The following SGO2 variants were observed in gnomAD, a reference collection of about 807,000 sequenced individuals.
SGO2 encodes shugoshin-like 2.
In SGO2, 68 loss-of-function variants were observed where a neutral mutation model predicts 99.5. That is an observed-to-expected ratio of 0.68 (90% CI 0.56 to 0.84). SGO2 has a LOEUF of 0.84. Among genes scored for constraint, SGO2 ranks in the 40% least tolerant of loss-of-function variants. The pLI is 0.00. For missense variants in SGO2, 1,350 were observed against 1,436.7 expected, an observed-to-expected ratio of 0.94 and a Z score of 0.97; for synonymous variants, 457 against 487.1, an observed-to-expected ratio of 0.94 and a Z score of 0.81.
intron 1 of SGO2, among the ~76,000 whole-genome samples, chr2:200,527,423 T>G (rs2031153649): frequency 6.6e-6 from 1 of 152,242 alleles, no homozygotes; most frequent in African/African-American, 2.4e-5. Context: ...AGTTTCTGTG[T>G]TCTACTGTCT....
chr2:200,579,893 TTAATGAAA>T (rs2033783226), intron 8 of SGO2, among the ~76,000 whole-genome samples: 1 of 152,202 alleles, frequency 6.6e-6, no homozygotes, highest in Admixed American at 6.5e-5. Context: ...CTTGGTTCCT[TTAATGAAA>T]TAATTTATAT....
intron 5 of SGO2, among the ~76,000 whole-genome samples, chr2:200,565,176 G>A (rs2033137087): frequency 1.3e-5 from 2 of 152,106 alleles, no homozygotes; most frequent in Admixed American, 1.3e-4. Flanking sequence ...TTACAATTTG[G>A]CATGTTTTTG....
At chr2:200,547,966 A>G (rs1040170958) in intron 5 of SGO2, among the ~76,000 whole-genome samples, 2 of 151,656 alleles carry the variant, frequency 1.3e-5, no homozygotes, top group East Asian at 1.9e-4. Flanking sequence ...ATAAATATCT[A>G]TGCACTCAAC....
chr2:200,530,793 T>C (rs1277109273), intron 1 of SGO2, among the ~76,000 whole-genome samples: 1 of 152,198 alleles, frequency 6.6e-6, no homozygotes, highest in African/African-American at 2.4e-5. Flanking sequence ...AGACTGAGAA[T>C]TGACTATTAG....
At chr2:200,544,360 C>A (rs917012120) in intron 5 of SGO2, among the ~76,000 whole-genome samples, 1 of 152,212 alleles carries the variant, frequency 6.6e-6, no homozygotes, top group Non-Finnish European at 1.5e-5. Flanking sequence ...TGGCTCACTG[C>A]AACCTCCACC....
At chr2:200,566,534 C>T (rs917253056) in intron 5 of SGO2, among the ~76,000 whole-genome samples, 2 of 152,286 alleles carry the variant, frequency 1.3e-5, no homozygotes, top group South Asian at 4.1e-4. Flanking sequence ...CCACTTGAGG[C>T]GATAGTCTGT....
chr2:200,579,058 T>C (rs1471596834), intron 8 of SGO2, among the ~76,000 whole-genome samples: 1 of 152,192 alleles, frequency 6.6e-6, no homozygotes, highest in Non-Finnish European at 1.5e-5. Flanking sequence ...CAACCAAAAA[T>C]GTCTCCATAT....
At chr2:200,565,487 C>T (rs1574869218) in intron 5 of SGO2, among the ~76,000 whole-genome samples, 1 of 152,140 alleles carries the variant, frequency 6.6e-6, no homozygotes, top group Admixed American at 6.5e-5. Context: ...CTCTGGCTGC[C>T]CTTAACATTT....
Position 200,528,900 on chromosome 2 carries a change from A to C in SGO2, c.-3+2648A>C, listed in dbSNP as rs374997104. ...GAATGTGCTATTTTGCAACCAAGTG[A>C]AGAGCGTATTTCAAAAGGAAGGAAT... is the stretch of plus-strand genomic sequence containing the variant. On this transcript the variant is annotated intron_variant, in intron 1 of 8. Transcript: ENST00000357799. Among the ~76,000 whole-genome samples the C allele has an allele frequency of 1.5e-3, 231 of 152,318 alleles. 1 individual carries two copies. The highest frequency in any genetic ancestry group is 5.2e-3 in the African/African-American group (217 of 41,574).
chr2:200,576,445 G>A (rs888578482), intron 8 of SGO2, among the ~76,000 whole-genome samples: 6 of 151,904 alleles, frequency 3.9e-5, no homozygotes, highest in South Asian at 2.1e-4. Flanking sequence ...GCATGGTGGC[G>A]TGCGCCTGTA....
chr2:200,576,206 A>G, intron 8 of SGO2: 2 of 238,354 alleles, frequency 8.4e-6, no homozygotes, highest in South Asian at 4.2e-5. Context: ...GAAATTAAGG[A>G]CCAAGGGGCC....
chr2:200,535,079 C>G lies in SGO2; in HGVS notation c.217C>G (p.Arg73Gly), dbSNP rs776375722. The G allele has an allele frequency of 5.1e-6, 8 of 1,561,878 alleles. No individual in the cohort carries two copies. In the South Asian group the frequency reaches 9.8e-5, roughly 19 times the overall value. The change falls in exon 3 of 9, where the codon CGA (arginine) becomes GGA (glycine). Residue 73 changes from arginine (R) to glycine (G), a missense_variant. Transcript: ENST00000357799. Reference protein sequence around the residue: ...QALSREKENSRRITTEKMLLQ... With the variant: ...QALSREKENSGRITTEKMLLQ... The stretch of plus-strand genomic sequence containing the variant: ...TCTTAGTAGAGAAAAAGAGAATTCT[C>G]GAAGAATTACAACTGAAAAGATGCT...
chr2:200,573,841 T>C lies in SGO2; in HGVS notation c.3495T>C (p.Ser1165=), dbSNP rs761896712. The C allele has an allele frequency of 6.2e-7, 1 of 1,613,316 alleles. No homozygotes were observed. The highest frequency in any genetic ancestry group is 1.7e-5 in the Admixed American group (1 of 59,962). ...VREGLVPLSV[S]SGKNVIIKEN... ...AAGGTTTAGTACCTTTGAGCGTTTC[T>C]TCTGGTAAAAATGTGATAATAAAAG... is the stretch of plus-strand genomic sequence containing the variant. The change falls in exon 7 of 9, where the codon TCT becomes TCC. Residue 1165 remains serine (S), a synonymous_variant. Transcript: ENST00000357799.
intron 4 of SGO2, among the ~76,000 whole-genome samples, chr2:200,536,395 T>C (rs2031691995): frequency 1.3e-5 from 2 of 152,122 alleles, no homozygotes; most frequent in Admixed American, 1.3e-4. Flanking sequence ...GGCTCCTAAA[T>C]GGACTCAGAA....
At chr2:200,533,547 G>GTGTGTGTA (rs1396628320) in intron 2 of SGO2, among the ~76,000 whole-genome samples, 1,611 of 143,004 alleles carry the variant, frequency 0.011, 20 homozygotes, top group African/African-American at 0.018. Flanking sequence ...GTGTGTGTGT[G>GTGTGTGTA]TATACATGTG....
rs1197946687 is a variant in SGO2, at chr2:200,573,261, G to A, written c.2915G>A (p.Ser972Asn). The A allele has an allele frequency of 6.3e-7, 1 of 1,599,462 alleles. No individual in the cohort carries two copies. Among genetic ancestry groups the A allele is most frequent in the African/African-American group, 1.4e-5 (1 of 74,060 alleles). The change falls in exon 7 of 9, where the codon AGT (serine) becomes AAT (asparagine). Residue 972 changes from serine to asparagine, a missense_variant. By Grantham distance (46) the Ser-to-Asn change is conservative. Transcript: ENST00000357799. ...GAAGTCAACAGTAATGAAAAGGAAA[G>A]TTGTGATCAAATTTTAGATTCCTAC... ...YMEVNSNEKESCDQILDSYKV... is the reference protein window; with the variant it reads ...YMEVNSNEKENCDQILDSYKV...
chr2:200,535,071 A>G lies in SGO2; in HGVS notation c.209A>G (p.Glu70Gly). Residue 70 changes from glutamate (E) to glycine (G), a missense_variant, in exon 3 of 9, where the codon GAG becomes GGG. By Grantham distance (98) the Glu-to-Gly change is moderately conservative. Transcript: ENST00000357799. ...ALAQALSREK[E>G]NSRRITTEKM... ...GCTCAGGCTCTTAGTAGAGAAAAAG[A>G]GAATTCTCGAAGAATTACAACTGAA... 6.4e-7 allele frequency: 1 copy of G among 1,564,472 alleles called. No individual in the cohort carries two copies. Among genetic ancestry groups the G allele is most frequent in the Non-Finnish European group, 8.6e-7 (1 of 1,164,342 alleles).
In SGO2 at chr2:200,583,494, AT is replaced by A. The variant is rs761620075; in HGVS notation, c.*34del. ...AATTTATGGATTCTGGTTTTTCTGA[AT>A]TTTCAAAGCATAAGGAATCAAAACA... On this transcript the variant is annotated 3_prime_UTR_variant, in exon 9 of 9. Coordinates refer to ENST00000357799, the MANE Select transcript of SGO2 (RefSeq NM_152524.6). 1.3e-6 allele frequency: 2 copies of A among 1,580,368 alleles called. No individual in the cohort carries two copies. Among genetic ancestry groups the A allele is most frequent in the East Asian group, 4.6e-5 (2 of 43,956 alleles).
chr2:200,549,981 G>A (rs145331834), intron 5 of SGO2, among the ~76,000 whole-genome samples: 75 of 152,306 alleles, frequency 4.9e-4, no homozygotes, highest in African/African-American at 1.8e-3. Flanking sequence ...CTGAAAAGCT[G>A]TTAGGACACA....
Sources: allele counts gnomAD v4.1 joint callset (sites outside exome capture counted in the v4.1 genomes callset), GRCh38; gene constraint gnomAD v4.1.1; transcripts MANE v1.5; gene names NCBI Gene and HGNC (gene_info 2026-07-23, HGNC 2026-07-21).